The following GRM3 variants were observed in gnomAD, a reference collection of about 807,000 sequenced individuals.
The protein encoded by GRM3 is metabotropic glutamate receptor 3.
In GRM3, 26 loss-of-function variants were observed where a neutral mutation model predicts 70.5. That is an observed-to-expected ratio of 0.37 (90% CI 0.27 to 0.51). GRM3 has a LOEUF of 0.51. Ranked by LOEUF, GRM3 falls within the 20% of genes least tolerant of loss-of-function variation. The probability of loss-of-function intolerance (pLI) is 0.93; values close to 1 mark genes in which losing one functional copy is unlikely to be tolerated. For missense variants in GRM3, 859 were observed against 1,123.8 expected, an observed-to-expected ratio of 0.76 and a Z score of 3.37; for synonymous variants, 443 against 434.9, an observed-to-expected ratio of 1.02 and a Z score of -0.23.
chr7:86,692,765 G>A (rs1468268698), intron 1 of GRM3, among the ~76,000 whole-genome samples: 3 of 152,216 alleles, frequency 2.0e-5, no homozygotes, highest in African/African-American at 2.4e-5. Context: ...AATAATCAAA[G>A]TATATAAACA....
intron 2 of GRM3, among the ~76,000 whole-genome samples, chr7:86,780,666 T>C (rs1339686286): frequency 1.3e-5 from 2 of 152,190 alleles, no homozygotes; most frequent in African/African-American, 2.4e-5. Context: ...CTCACATAAA[T>C]CAGAAAGCCA....
chr7:86,658,287 G>C (rs1793797647), intron 1 of GRM3, among the ~76,000 whole-genome samples: 1 of 152,132 alleles, frequency 6.6e-6, no homozygotes, highest in Non-Finnish European at 1.5e-5. Context: ...CTTTGCTCTT[G>C]CTATAATTGA....
chr7:86,693,670 T>A (rs1794745414), intron 1 of GRM3, among the ~76,000 whole-genome samples: 1 of 152,194 alleles, frequency 6.6e-6, no homozygotes, highest in South Asian at 2.1e-4. Flanking sequence ...TCTCATGGTG[T>A]GAGAGAGATT....
chr7:86,711,078 G>A (rs1795188433), intron 1 of GRM3, among the ~76,000 whole-genome samples: 1 of 151,990 alleles, frequency 6.6e-6, no homozygotes, highest in Admixed American at 6.6e-5. Flanking sequence ...CTCTCTCTGA[G>A]CCCCACTTTC....
chr7:86,769,626 A>C (rs1796689590), intron 2 of GRM3, among the ~76,000 whole-genome samples: 1 of 152,172 alleles, frequency 6.6e-6, no homozygotes, highest in Non-Finnish European at 1.5e-5. Flanking sequence ...ATGCTGTGTT[A>C]GTTCATACAA....
At chr7:86,827,263 G>A (rs958687897) in intron 3 of GRM3, among the ~76,000 whole-genome samples, 1 of 152,098 alleles carries the variant, frequency 6.6e-6, no homozygotes, top group African/African-American at 2.4e-5. Context: ...CTTGAAATAG[G>A]TAAAGATTTC....
chr7:86,738,084 A>G (rs989215514), intron 1 of GRM3, among the ~76,000 whole-genome samples: 1 of 152,146 alleles, frequency 6.6e-6, no homozygotes, highest in African/African-American at 2.4e-5. Flanking sequence ...TTGAATGACA[A>G]GGAGAGACAG....
intron 1 of GRM3, among the ~76,000 whole-genome samples, chr7:86,650,783 G>C (rs77840844): frequency 6.6e-6 from 1 of 152,176 alleles, no homozygotes; most frequent in Non-Finnish European, 1.5e-5. Context: ...CCAGGATAGA[G>C]GTGAGTAGGA....
intron 2 of GRM3, chr7:86,784,216 T>G (rs1158838459): frequency 6.8e-6 from 1 of 147,962 alleles, no homozygotes; most frequent in Non-Finnish European, 1.5e-5. Flanking sequence ...AGAACTTTTT[T>G]GTTTTTTTTT....
intron 3 of GRM3, among the ~76,000 whole-genome samples, chr7:86,797,977 A>G (rs1797592764): frequency 6.6e-6 from 1 of 152,162 alleles, no homozygotes; most frequent in Admixed American, 6.5e-5. Context: ...TGACTTACAC[A>G]TGATGTTGGG....
intron 1 of GRM3, among the ~76,000 whole-genome samples, chr7:86,658,099 T>C (rs997799872): frequency 6.6e-6 from 1 of 152,222 alleles, no homozygotes; most frequent in Non-Finnish European, 1.5e-5. Context: ...TATCTGTAGA[T>C]GGGAGGTTAA....
In GRM3 at chr7:86,740,816, G is replaced by T. The variant is rs528114894; in HGVS notation, c.-140-24190G>T. Among the ~76,000 whole-genome samples, 17 of 152,238 alleles carry T rather than the reference G, an allele frequency of 1.1e-4. No individual in the cohort carries two copies. The South Asian group carries it at 2.7e-3, about 24-fold the overall frequency. On this transcript the variant is annotated intron_variant, in intron 1 of 5. Coordinates refer to ENST00000361669, the MANE Select transcript of GRM3 (RefSeq NM_000840.3). ...TTTCATACAAAACCTGCGTTGGTTG[G>T]TCTGTCATCTTCCTACCAGAGTAAT...
At chr7:86,772,538 A>T (rs573007376) in intron 2 of GRM3, among the ~76,000 whole-genome samples, 1 of 152,184 alleles carries the variant, frequency 6.6e-6, no homozygotes, top group African/African-American at 2.4e-5. Flanking sequence ...ACTTAGACCA[A>T]CTATTCCAGA....
intron 1 of GRM3, among the ~76,000 whole-genome samples, chr7:86,762,254 A>G (rs1796497659): frequency 6.6e-6 from 1 of 152,112 alleles, no homozygotes; most frequent in Non-Finnish European, 1.5e-5. Context: ...ACTTTCTGGT[A>G]CCCTGTGGCA....
At chr7:86,714,427 A>G (rs942147858) in intron 1 of GRM3, among the ~76,000 whole-genome samples, 29 of 151,970 alleles carry the variant, frequency 1.9e-4, no homozygotes, top group African/African-American at 6.8e-4. Context: ...TTTGTCCACA[A>G]TGAGAAAAAT....
intron 3 of GRM3, among the ~76,000 whole-genome samples, chr7:86,831,432 TA>T: frequency 6.6e-6 from 1 of 152,006 alleles, no homozygotes; most frequent in Non-Finnish European, 1.5e-5. Flanking sequence ...GAAAAGAAGG[TA>T]GGAAAAAAAT....
intron 1 of GRM3, among the ~76,000 whole-genome samples, chr7:86,684,252 A>G (rs942221558): frequency 5.9e-5 from 9 of 152,252 alleles, no homozygotes; most frequent in Admixed American, 3.3e-4. Flanking sequence ...ACAATGCACA[A>G]ATTATGAATG....
intron 1 of GRM3, among the ~76,000 whole-genome samples, chr7:86,672,599 T>C (rs573980494): frequency 1.3e-5 from 2 of 151,830 alleles, no homozygotes; most frequent in South Asian, 4.2e-4. Context: ...TTTGTTTTTG[T>C]TTTTGTTTTT....
chr7:86,712,658 C>A (rs547412109), intron 1 of GRM3, among the ~76,000 whole-genome samples: 30 of 152,122 alleles, frequency 2.0e-4, no homozygotes, highest in East Asian at 1.5e-3. Flanking sequence ...TCTTCCCAGC[C>A]TCTGGGGACT....
Sources: gnomAD v4.1 joint callset for allele counts (sites outside exome capture counted in the v4.1 genomes callset) on GRCh38, gnomAD v4.1.1 for gene constraint, MANE v1.5 for transcripts, NCBI Gene and HGNC (gene_info 2026-07-23, HGNC 2026-07-21) for gene names.